The following SLC9A7 variants were observed in gnomAD, a reference collection of about 807,000 sequenced individuals.
The protein encoded by SLC9A7 is solute carrier family 9 member A7.
In SLC9A7, 19 loss-of-function variants were observed where a neutral mutation model predicts 52.6. That is an observed-to-expected ratio of 0.36 (90% CI 0.25 to 0.53). The LOEUF is 0.53. SLC9A7 is among the 20% of genes least tolerant of loss of function. The probability of loss-of-function intolerance (pLI) is 0.91; values close to 1 mark genes in which losing one functional copy is unlikely to be tolerated. For missense variants in SLC9A7, 455 were observed against 597.9 expected (o/e 0.76, Z 2.49); for synonymous variants, 226 against 252.1 (o/e 0.90, Z 0.98).
At chrX:46,629,929 A>G (rs1013534176) in intron 14 of SLC9A7, among the ~76,000 whole-genome samples, 3 of 111,679 alleles carry the variant, frequency 2.7e-5, no homozygotes, top group Non-Finnish European at 5.6e-5. Flanking sequence ...CAAATAGCAA[A>G]TTTTCAAAGA....
intron 1 of SLC9A7, among the ~76,000 whole-genome samples, chrX:46,736,236 G>A (rs1276386271): frequency 8.9e-6 from 1 of 111,971 alleles, no homozygotes; most frequent in Non-Finnish European, 1.9e-5. Context: ...ACAGTCCACA[G>A]TCCACTTCAT....
intron 11 of SLC9A7, chrX:46,646,961 C>T (rs1943503356): frequency 9.3e-6 from 3 of 320,884 alleles, no homozygotes; most frequent in South Asian, 6.5e-5. Flanking sequence ...AAGGGATGAT[C>T]GGGCTCTATG....
At chrX:46,622,098 T>A (rs1943055510) in intron 14 of SLC9A7, among the ~76,000 whole-genome samples, 1 of 112,258 alleles carries the variant, frequency 8.9e-6, no homozygotes, top group Non-Finnish European at 1.9e-5. Flanking sequence ...TATTTATTAA[T>A]ACACTCCTAA....
In SLC9A7 at chrX:46,601,209, G is replaced by A. The variant is rs187861720; in HGVS notation, c.*5743C>T. On this transcript the variant is annotated 3_prime_UTR_variant, in exon 17 of 17. Transcript: ENST00000616978. ...CTGATACACTCTTAGAACTCACAAC[G>A]GGTGCACAGTAGGTTTCCAAGTGGG... The A allele has an allele frequency of 1.4e-4, 16 of 111,996 alleles. No homozygotes were observed. In the South Asian group the frequency reaches 2.6e-3, roughly 18 times the overall value. The allele number at this position is 111,996 out of a possible 1,213,427, so 9.2% of individuals were successfully genotyped here.
chrX:46,725,245 T>C, intron 1 of SLC9A7: 1 of 1,101,338 alleles, frequency 9.1e-7, no homozygotes, highest in Non-Finnish European at 1.3e-6. Flanking sequence ...CCTTCCGGAA[T>C]TGCAGGTGCA....
chrX:46,734,868 C>G (rs1945097126), intron 1 of SLC9A7, among the ~76,000 whole-genome samples: 1 of 112,146 alleles, frequency 8.9e-6, no homozygotes, highest in Non-Finnish European at 1.9e-5. Context: ...TATCCATGAA[C>G]AGTAAATACC....
intron 1 of SLC9A7, among the ~76,000 whole-genome samples, chrX:46,755,229 T>C (rs1556291217): frequency 2.7e-5 from 3 of 111,602 alleles, no homozygotes; most frequent in African/African-American, 9.8e-5. Context: ...AAGCACTTAT[T>C]ATGGGGTCTA....
chrX:46,621,708 C>G (rs1199799118), intron 14 of SLC9A7, among the ~76,000 whole-genome samples: 1 of 112,130 alleles, frequency 8.9e-6, no homozygotes, highest in African/African-American at 3.2e-5. Context: ...TTAAACATCC[C>G]CATCGTGTAA....
At chrX:46,620,643 C>G (rs946421287) in intron 15 of SLC9A7, among the ~76,000 whole-genome samples, 11 of 111,436 alleles carry the variant, frequency 9.9e-5, no homozygotes, top group Non-Finnish European at 2.1e-4. Context: ...AGTTCTACTT[C>G]CTTTTCTGAC....
At chrX:46,736,701 T>C (rs1945127379) in intron 1 of SLC9A7, among the ~76,000 whole-genome samples, 1 of 111,365 alleles carries the variant, frequency 9.0e-6, no homozygotes, top group South Asian at 3.8e-4. Flanking sequence ...AGCTTGTTTT[T>C]ATGGCATTGG....
chrX:46,660,345 G>C (rs1943791606), intron 7 of SLC9A7, among the ~76,000 whole-genome samples: 1 of 111,818 alleles, frequency 8.9e-6, no homozygotes, highest in Non-Finnish European at 1.9e-5. Context: ...AAAAGCAATG[G>C]CAACGAAAGC....
intron 1 of SLC9A7, among the ~76,000 whole-genome samples, chrX:46,739,108 T>A (rs1456738603): frequency 1.8e-5 from 2 of 112,012 alleles, no homozygotes; most frequent in East Asian, 5.6e-4. Flanking sequence ...ATAGCTGATG[T>A]GAGGTTTTTT....
At chrX:46,660,199 C>T in intron 7 of SLC9A7, among the ~76,000 whole-genome samples, 1 of 109,619 alleles carries the variant, frequency 9.1e-6, no homozygotes, top group East Asian at 2.9e-4. Flanking sequence ...CCCTTCCTTA[C>T]ACCTTATACA....
chrX:46,732,619 C>T (rs1945062300), intron 1 of SLC9A7, among the ~76,000 whole-genome samples: 1 of 111,035 alleles, frequency 9.0e-6, no homozygotes, highest in South Asian at 3.7e-4. Flanking sequence ...GAAATAAGCA[C>T]TTTCATATAT....
chrX:46,705,845 A>C (rs1453815094), intron 1 of SLC9A7, among the ~76,000 whole-genome samples: 1 of 111,121 alleles, frequency 9.0e-6, no homozygotes, highest in Non-Finnish European at 1.9e-5. Context: ...CAAAAGGAAA[A>C]AAAGAGAAGA....
At chrX:46,691,254 T>TA (rs770603314) in intron 1 of SLC9A7, among the ~76,000 whole-genome samples, 13 of 112,532 alleles carry the variant, frequency 1.2e-4, no homozygotes, top group Admixed American at 4.7e-4. Context: ...ACAGAATTCC[T>TA]ACATGCTTGT....
intron 1 of SLC9A7, among the ~76,000 whole-genome samples, chrX:46,727,244 C>A (rs1602277821): frequency 8.9e-6 from 1 of 112,387 alleles, no homozygotes; most frequent in African/African-American, 3.2e-5. Context: ...CTGCTTCACC[C>A]TTTGGCTCAC....
At chrX:46,649,070 A>ATATCTATCTATCTATCTATC (rs60152703) in intron 10 of SLC9A7, among the ~76,000 whole-genome samples, 10,293 of 105,302 alleles carry the variant, frequency 0.098, 480 homozygotes, top group Non-Finnish European at 0.13. Flanking sequence ...AATTCAACTG[A>ATATCTATCTATCTATCTATC]TATCTATCTA....
chrX:46,736,225 T>C (rs1228407909), intron 1 of SLC9A7, among the ~76,000 whole-genome samples: 1 of 112,334 alleles, frequency 8.9e-6, no homozygotes, highest in South Asian at 3.7e-4. Flanking sequence ...CATTGACTCT[T>C]ACAGTCCACA....
Sources: gnomAD v4.1 joint callset for allele counts (sites outside exome capture counted in the v4.1 genomes callset) on GRCh38, gnomAD v4.1.1 for gene constraint, MANE v1.5 for transcripts, NCBI Gene and HGNC (gene_info 2026-07-23, HGNC 2026-07-21) for gene names.